Variants in BICC1 observed in about 807,000 individuals in gnomAD.
BICC1 encodes BicC family RNA binding protein 1.
BICC1 carries 43 observed loss-of-function variants against 111.0 expected under a neutral mutation model. The observed-to-expected ratio is 0.39, with a 90% CI of 0.30 to 0.50. The LOEUF (loss-of-function observed/expected upper bound fraction) is 0.50, where lower values mean the gene tolerates loss of function less well. Ranked by LOEUF, BICC1 falls within the 20% of genes least tolerant of loss-of-function variation. The probability of loss-of-function intolerance (pLI) is 0.88; values close to 1 mark genes in which losing one functional copy is unlikely to be tolerated. For synonymous variants in BICC1, 467 were observed against 434.4 expected (o/e 1.07, Z -0.93); for missense variants, 1,091 against 1,203.2 (o/e 0.91, Z 1.38).
intron 3 of BICC1, among the ~76,000 whole-genome samples, chr10:58,725,601 A>G (rs1206681577): frequency 1.3e-5 from 2 of 152,192 alleles, no homozygotes; most frequent in African/African-American, 4.8e-5. Flanking sequence ...ATTACACAGC[A>G]TGTGTTTTTG....
Position 58,620,909 on chromosome 10 carries a change from G to A in BICC1, c.237+8G>A, listed in dbSNP as rs368144073. ...GAAGACTTTTTTCAAAAGGTAAGTT[G>A]TCTTTTACTCTTGTCATGGTGATAA... is the stretch of plus-strand genomic sequence containing the variant. On this transcript the variant is annotated splice_region_variant and intron_variant, in intron 2 of 20. Transcript: ENST00000373886. The A allele has an allele frequency of 1.9e-6, 3 of 1,612,326 alleles. No homozygotes were observed. Among genetic ancestry groups the A allele is most frequent in the Non-Finnish European group, 2.5e-6 (3 of 1,178,874 alleles).
chr10:58,775,942 T>C (rs1842738549), intron 3 of BICC1, among the ~76,000 whole-genome samples: 1 of 152,224 alleles, frequency 6.6e-6, no homozygotes, highest in African/African-American at 2.4e-5. Context: ...AGCTGCTCTT[T>C]AGTGTAACAT....
At position 58,830,164 on chromosome 10, in the gene BICC1, AT is replaced by A. The variant is rs957727478; in HGVS notation, c.*1274del. 3.9e-5 allele frequency: 6 copies of A among 152,144 alleles called. No homozygotes were observed. The highest frequency in any genetic ancestry group is 3.9e-4 in the Admixed American group (6 of 15,256). 9.4% of individuals were successfully genotyped at this position (152,144 alleles called of 1,614,324 possible). A position where few individuals can be genotyped will look rare whatever the true frequency, so the allele number is the denominator to read the frequency against. ...AAGTTCTGAAGGAAAAAAAAAATAT[AT>A]CTTTTTAAGTGGCTAGAGTCATTAT... On this transcript the variant is annotated 3_prime_UTR_variant, in exon 21 of 21. Coordinates refer to ENST00000373886, the MANE Select transcript of BICC1 (RefSeq NM_001080512.3).
At chr10:58,566,232 A>G (rs1224899040) in intron 1 of BICC1, among the ~76,000 whole-genome samples, 1 of 151,988 alleles carries the variant, frequency 6.6e-6, no homozygotes, top group South Asian at 2.1e-4. Context: ...GTGTATATCT[A>G]TACATGTACA....
At chr10:58,552,104 A>C (rs939094865) in intron 1 of BICC1, among the ~76,000 whole-genome samples, 2 of 151,434 alleles carry the variant, frequency 1.3e-5, no homozygotes, top group Non-Finnish European at 3.0e-5. Context: ...TAGAGTACAA[A>C]AATGTAAAAA....
At chr10:58,607,911 AGGAGCAATCTTGAACTC>A (rs1845282842) in intron 1 of BICC1, among the ~76,000 whole-genome samples, 1 of 152,200 alleles carries the variant, frequency 6.6e-6, no homozygotes, top group South Asian at 2.1e-4. Flanking sequence ...TGGAGAACCC[AGGAGCAATCTTGAACTC>A]GGAGGAAATA....
chr10:58,772,239 A>G (rs1842639421), intron 3 of BICC1, among the ~76,000 whole-genome samples: 4 of 152,224 alleles, frequency 2.6e-5, no homozygotes, highest in African/African-American at 2.4e-5. Flanking sequence ...TAGCCAAAGC[A>G]TAACAGTTGT....
intron 3 of BICC1, among the ~76,000 whole-genome samples, chr10:58,731,481 C>G (rs182226326): frequency 2.6e-3 from 389 of 152,244 alleles, no homozygotes; most frequent in Non-Finnish European, 4.1e-3. Context: ...ATTAATACCC[C>G]ACTCCTGGTA....
intron 17 of BICC1, among the ~76,000 whole-genome samples, chr10:58,813,100 C>A (rs1843963432): frequency 6.6e-6 from 1 of 151,972 alleles, no homozygotes; most frequent in Non-Finnish European, 1.5e-5. Flanking sequence ...TTGAAGTGAA[C>A]AGTAAAGGAT....
At chr10:58,761,495 C>T (rs1172974351) in intron 3 of BICC1, among the ~76,000 whole-genome samples, 2 of 152,132 alleles carry the variant, frequency 1.3e-5, no homozygotes, top group Non-Finnish European at 2.9e-5. Context: ...TGTGATTTCC[C>T]ATTTATGTTA....
chr10:58,548,101 A>G (rs774633295), intron 1 of BICC1, among the ~76,000 whole-genome samples: 8 of 152,198 alleles, frequency 5.3e-5, no homozygotes, highest in African/African-American at 9.7e-5. Context: ...GTGTCTGTCT[A>G]TATTAAGCCA....
rs560502695 is a variant in BICC1, at chr10:58,611,870, AAT to A, written c.191-8982_191-8981del. 5.9e-5 allele frequency among the ~76,000 whole-genome samples: 9 copies of A among 152,352 alleles called. No individual in the cohort carries two copies. The South Asian group carries it at 1.9e-3, about 32-fold the overall frequency. ...GGGAATTTAACTGCAAAAATAAAACAATATTTAAGAAAAAATATTAAAGTGAA... is the reference window on the plus strand; with the variant it reads ...GGGAATTTAACTGCAAAAATAAAACAATTTAAGAAAAAATATTAAAGTGAA... On this transcript the variant is annotated intron_variant, in intron 1 of 20. Transcript: ENST00000373886.
chr10:58,829,010 AT>A lies in BICC1; in HGVS notation c.*123del. On this transcript the variant is annotated 3_prime_UTR_variant, in exon 21 of 21. Transcript: ENST00000373886. ...GGGTGTCTGGTATCAGGACCAAAGC[AT>A]TTTATTCGCACCTGTACTTTATGGC... is the stretch of plus-strand genomic sequence containing the variant. The A allele has an allele frequency of 8.1e-7, 1 of 1,232,616 alleles. No homozygotes were observed. The highest frequency in any genetic ancestry group is 1.1e-6 in the Non-Finnish European group (1 of 889,156). 76.4% of individuals were successfully genotyped at this position (1,232,616 alleles called of 1,614,324 possible).
chr10:58,828,128 G>C (rs2133003436), intron 20 of BICC1, among the ~76,000 whole-genome samples: 1 of 152,214 alleles, frequency 6.6e-6, no homozygotes, highest in African/African-American at 2.4e-5. Flanking sequence ...GTAAAGTTTT[G>C]GGGGAGTCAA....
chr10:58,632,163 C>A (rs557966993), intron 2 of BICC1, among the ~76,000 whole-genome samples: 2 of 152,298 alleles, frequency 1.3e-5, no homozygotes, highest in East Asian at 3.9e-4. Context: ...ACCTCATAAT[C>A]TGGGAATCCA....
At chr10:58,581,587 T>G (rs1480715663) in intron 1 of BICC1, among the ~76,000 whole-genome samples, 1 of 152,182 alleles carries the variant, frequency 6.6e-6, no homozygotes, top group Non-Finnish European at 1.5e-5. Context: ...TGACATCAAT[T>G]GATAGATGTT....
At chr10:58,654,681 G>T (rs1343996993) in intron 2 of BICC1, among the ~76,000 whole-genome samples, 1 of 35,388 alleles carries the variant, frequency 2.8e-5, no homozygotes, top group Non-Finnish European at 7.4e-5. Context: ...AAGCTCTTTA[G>T]TTTAATTAGA....
chr10:58,700,390 T>C (rs547153637), intron 2 of BICC1, among the ~76,000 whole-genome samples: 77 of 151,416 alleles, frequency 5.1e-4, no homozygotes, highest in African/African-American at 1.8e-3. Flanking sequence ...GCAGAGGGAG[T>C]TGAGAAAGAT....
intron 2 of BICC1, among the ~76,000 whole-genome samples, chr10:58,664,074 G>A (rs2132299430): frequency 6.6e-6 from 1 of 152,266 alleles, no homozygotes; most frequent in Admixed American, 6.5e-5. Context: ...TCTTTTGTAT[G>A]AGTGCCTTGG....
Sources: allele counts gnomAD v4.1 joint callset (sites outside exome capture counted in the v4.1 genomes callset), GRCh38; gene constraint gnomAD v4.1.1; transcripts MANE v1.5; gene names NCBI Gene and HGNC (gene_info 2026-07-23, HGNC 2026-07-21).